LIPA: variants seen among roughly 807,000 people sequenced by gnomAD.
The protein encoded by LIPA is lysosomal acid lipase/cholesteryl ester hydrolase.
A neutral mutation model predicts 40.6 loss-of-function variants in LIPA; 26 were observed. The observed-to-expected ratio is 0.64, with a 90% confidence interval of 0.47 to 0.89. The LOEUF (loss-of-function observed/expected upper bound fraction) is 0.89, where lower values mean the gene tolerates loss of function less well. Among genes scored for constraint, LIPA ranks in the 40% least tolerant of loss-of-function variants. LIPA has a pLI of 0.00. For missense variants in LIPA, 455 were observed against 479.6 expected (o/e 0.95, Z 0.48); for synonymous variants, 188 against 168.4 (o/e 1.12, Z -0.90).
chr10:89,373,229 G>A (rs951571856), intron 2 of LIPA, among the ~76,000 whole-genome samples: 1 of 151,580 alleles, frequency 6.6e-6, no homozygotes, highest in African/African-American at 2.4e-5. Context: ...CAGCTACTCG[G>A]GAGGCTGAGG....
At chr10:89,249,323 G>A (rs985908093) in intron 1 of LIPA, among the ~76,000 whole-genome samples, 1 of 152,198 alleles carries the variant, frequency 6.6e-6, no homozygotes, top group African/African-American at 2.4e-5. Context: ...AAAGTTAAAT[G>A]CCTCTCCTAA....
intron 1 of LIPA, chr10:89,307,344 T>C: frequency 2.5e-6 from 4 of 1,608,400 alleles, no homozygotes; most frequent in Non-Finnish European, 3.4e-6. Flanking sequence ...GGAAGCCTCA[T>C]CCCTTCAGCA....
intron 1 of LIPA, among the ~76,000 whole-genome samples, chr10:89,302,513 G>C (rs1843451800): frequency 6.6e-6 from 1 of 152,278 alleles, no homozygotes; most frequent in Non-Finnish European, 1.5e-5. Context: ...TTAAGTTGGG[G>C]ACTTGTAATA....
chr10:89,261,163 G>A (rs981267552), intron 1 of LIPA, among the ~76,000 whole-genome samples: 6 of 152,230 alleles, frequency 3.9e-5, no homozygotes, highest in African/African-American at 1.4e-4. Context: ...CTACATAAAT[G>A]TGAGTAATTG....
chr10:89,332,608 A>G (rs763665270), intron 1 of LIPA: 1 of 1,614,126 alleles, frequency 6.2e-7, no homozygotes, highest in Non-Finnish European at 8.5e-7. Context: ...TCAGAACTGC[A>G]GGGAAACAGC....
chr10:89,233,871 AC>A (rs1185368669), intron 3 of LIPA, among the ~76,000 whole-genome samples: 1 of 151,182 alleles, frequency 6.6e-6, no homozygotes, highest in Non-Finnish European at 1.5e-5. Flanking sequence ...ATTTACCCCC[AC>A]CCCCCACAAA....
upstream of LIPA, among the ~76,000 whole-genome samples, chr10:89,343,621 C>G (rs571105540): frequency 1.3e-5 from 2 of 152,118 alleles, no homozygotes; most frequent in Non-Finnish European, 2.9e-5. Flanking sequence ...CACACCGAGG[C>G]GCTATACTTT....
intron 1 of LIPA, among the ~76,000 whole-genome samples, chr10:89,327,035 C>T (rs1843606260): frequency 6.6e-6 from 1 of 152,174 alleles, no homozygotes; most frequent in African/African-American, 2.4e-5. Context: ...GGGGCAGCTT[C>T]CAAGTCATAG....
intron 2 of LIPA, among the ~76,000 whole-genome samples, chr10:89,349,868 AG>A (rs1039879305): frequency 5.9e-5 from 9 of 152,230 alleles, no homozygotes; most frequent in African/African-American, 2.2e-4. Flanking sequence ...AAGCAGACGC[AG>A]GATGAGTTGT....
intron 2 of LIPA, among the ~76,000 whole-genome samples, chr10:89,386,975 GA>G (rs1844214828): frequency 4.2e-5 from 2 of 47,208 alleles, no homozygotes; most frequent in South Asian, 1.4e-3. Context: ...GTGTGTGTGA[GA>G]GAGAGAGAGA....
intron 1 of LIPA, among the ~76,000 whole-genome samples, chr10:89,333,185 G>A (rs1017645985): frequency 1.1e-4 from 17 of 152,172 alleles, no homozygotes; most frequent in African/African-American, 3.4e-4. Context: ...GACCTGCTAA[G>A]CCTCCCACGT....
At chr10:89,241,528 T>A (rs1842964825) in intron 3 of LIPA, among the ~76,000 whole-genome samples, 1 of 152,174 alleles carries the variant, frequency 6.6e-6, no homozygotes, top group Admixed American at 6.5e-5. Flanking sequence ...AATCTAGAAA[T>A]CAACCAGAAT....
chr10:89,349,217 C>T (rs1258853202), intron 2 of LIPA, among the ~76,000 whole-genome samples: 1 of 152,132 alleles, frequency 6.6e-6, no homozygotes, highest in Non-Finnish European at 1.5e-5. Flanking sequence ...AGGTTGACCC[C>T]GTGTCCAGAC....
intron 2 of LIPA, chr10:89,362,618 G>A (rs753378917): frequency 3.0e-5 from 11 of 368,430 alleles, no homozygotes; most frequent in African/African-American, 1.3e-4. Context: ...TTGCCTGGGC[G>A]TATCACCACA....
intron 3 of LIPA, among the ~76,000 whole-genome samples, chr10:89,234,679 C>G (rs921269364): frequency 2.0e-5 from 3 of 152,192 alleles, no homozygotes; most frequent in Non-Finnish European, 4.4e-5. Context: ...TCCCATCCCA[C>G]CACCAAAGAA....
intron 1 of LIPA, among the ~76,000 whole-genome samples, chr10:89,338,447 C>T (rs1328555857): frequency 6.6e-6 from 1 of 152,174 alleles, no homozygotes. Flanking sequence ...GGATAATGCC[C>T]ACCCATACTG....
chr10:89,413,333 C>T (rs947470061), intron 1 of LIPA, among the ~76,000 whole-genome samples: 14 of 152,052 alleles, frequency 9.2e-5, no homozygotes, highest in Non-Finnish European at 1.8e-4. Flanking sequence ...GACAGTACAA[C>T]TGTTAGAAGT....
At chr10:89,236,129 T>A (rs1488618460) in intron 3 of LIPA, among the ~76,000 whole-genome samples, 1 of 152,260 alleles carries the variant, frequency 6.6e-6, no homozygotes, top group Non-Finnish European at 1.5e-5. Context: ...TGGCCTTTTT[T>A]ATTTATTACC....
At chr10:89,295,015 TGA>T (rs1843404121) in intron 1 of LIPA, among the ~76,000 whole-genome samples, 1 of 60,260 alleles carries the variant, frequency 1.7e-5, no homozygotes, top group East Asian at 3.0e-4. Context: ...GGAAAGGAAA[TGA>T]AATGAAAGGA....
Sources: gnomAD v4.1 joint callset for allele counts (sites outside exome capture counted in the v4.1 genomes callset) on GRCh38, gnomAD v4.1.1 for gene constraint, MANE v1.5 for transcripts, NCBI Gene and HGNC (gene_info 2026-07-23, HGNC 2026-07-21) for gene names.